The following POLR1D variants were observed in gnomAD, a reference collection of about 807,000 sequenced individuals.
POLR1D encodes the protein RNA polymerase I and III subunit D.
Under a neutral mutation model 10.8 loss-of-function variants are expected in POLR1D, and 8 were observed. The ratio of observed to expected loss-of-function variants is 0.74; its 90% CI spans 0.43 to 1.33. The LOEUF (loss-of-function observed/expected upper bound fraction) is 1.33. Ranked by LOEUF, POLR1D falls within the 40% of genes most tolerant of loss-of-function variation. The probability of loss-of-function intolerance (pLI) is 0.01; values close to 1 mark genes in which losing one functional copy is unlikely to be tolerated. For missense variants in POLR1D, 152 were observed against 161.7 expected, an observed-to-expected ratio of 0.94 and a Z score of 0.32; for synonymous variants, 54 against 57.2, an observed-to-expected ratio of 0.94 and a Z score of 0.25.
At chr13:27,634,675 C>CTTTTTT (rs369618281) in intron 1 of POLR1D, among the ~76,000 whole-genome samples, 1 of 125,004 alleles carries the variant, frequency 8.0e-6, no homozygotes, top group Non-Finnish European at 1.7e-5. Context: ...ATAGACTCTG[C>CTTTTTT]TTTTTTTTTT....
chr13:27,661,821 C>G (rs189641498), intron 2 of POLR1D, among the ~76,000 whole-genome samples: 30 of 152,172 alleles, frequency 2.0e-4, no homozygotes, highest in Non-Finnish European at 3.7e-4. Flanking sequence ...GATCACCCAC[C>G]TACTTCAACC....
intron 1 of POLR1D, among the ~76,000 whole-genome samples, chr13:27,644,719 A>T (rs539106635): frequency 2.0e-5 from 3 of 152,242 alleles, no homozygotes; most frequent in Non-Finnish European, 2.9e-5. Context: ...TTATGTCTGA[A>T]TAATTTTTTA....
Position 27,622,729 on chromosome 13 carries a change from G to A in POLR1D, c.27-146G>A, listed in dbSNP as rs181206821. ...TAAATATTTATTGATAGAGTTTGTGGAGGCAGGAAAATGAGAGGCGAATAA... is the reference window on the plus strand; with the variant it reads ...TAAATATTTATTGATAGAGTTTGTGAAGGCAGGAAAATGAGAGGCGAATAA... On this transcript the variant is annotated intron_variant, in intron 1 of 1. Coordinates refer to ENST00000302979, the MANE Select transcript of POLR1D (RefSeq NM_015972.4). 4 of 629,048 alleles carry A rather than the reference G, an allele frequency of 6.4e-6. No individual in the cohort carries two copies. In the East Asian group the frequency reaches 1.1e-4, roughly 17 times the overall value. The allele number at this position is 629,048 out of a possible 1,614,324, so 39.0% of individuals were successfully genotyped here.
chr13:27,652,911 CTTTTTTTTT>C (rs71083685), intron 2 of POLR1D, among the ~76,000 whole-genome samples: 2 of 89,332 alleles, frequency 2.2e-5, no homozygotes, highest in East Asian at 7.2e-4. Context: ...TTTACCATTT[CTTTTTTTTT>C]TTTTTTTTTT....
At chr13:27,635,736 A>G (rs1438804537) in intron 1 of POLR1D, among the ~76,000 whole-genome samples, 3 of 124,946 alleles carry the variant, frequency 2.4e-5, no homozygotes, top group Non-Finnish European at 5.3e-5. Context: ...ACATACACAC[A>G]TATATATATA....
chr13:27,637,998 T>C (rs1956141835), intron 1 of POLR1D, among the ~76,000 whole-genome samples: 1 of 152,152 alleles, frequency 6.6e-6, no homozygotes, highest in Admixed American at 6.6e-5. Context: ...TCTACGTATA[T>C]ATGTACTATT....
At chr13:27,650,270 A>G (rs1019861868) in intron 2 of POLR1D, 39 of 385,816 alleles carry the variant, frequency 1.0e-4, no homozygotes, top group East Asian at 5.5e-4. Flanking sequence ...CTACCCTCCC[A>G]GCATCAGTGT....
chr13:27,628,007 C>G (rs1956034727), downstream of POLR1D, among the ~76,000 whole-genome samples: 1 of 152,168 alleles, frequency 6.6e-6, no homozygotes. Context: ...GTTTATCCTA[C>G]CATTCCCTCA....
chr13:27,627,923 A>G (rs1956033709), downstream of POLR1D, among the ~76,000 whole-genome samples: 1 of 152,122 alleles, frequency 6.6e-6, no homozygotes, highest in African/African-American at 2.4e-5. Flanking sequence ...ACTTGGAGAC[A>G]GATTCTATAG....
chr13:27,622,347 T>C, intron 1 of POLR1D: 2 of 440,936 alleles, frequency 4.5e-6, no homozygotes, highest in South Asian at 2.8e-5. Flanking sequence ...CTTCTTTCTA[T>C]GTGCAGACTG....
At chr13:27,664,289 G>A (rs1956394266) in intron 2 of POLR1D, among the ~76,000 whole-genome samples, 1 of 152,166 alleles carries the variant, frequency 6.6e-6, no homozygotes, top group Non-Finnish European at 1.5e-5. Flanking sequence ...GTTCGTACTT[G>A]CAGAACTGTT....
chr13:27,634,228 A>G (rs1345280292), intron 1 of POLR1D, among the ~76,000 whole-genome samples: 1 of 152,184 alleles, frequency 6.6e-6, no homozygotes, highest in East Asian at 1.9e-4. Flanking sequence ...GGAAAACATA[A>G]AGGATTCTAG....
chr13:27,665,936 CG>C lies in POLR1D; in HGVS notation c.354del (p.Ser119ProfsTer29). 4.3e-6 allele frequency: 7 copies of C among 1,614,108 alleles called. No individual in the cohort carries two copies. The highest frequency in any genetic ancestry group is 5.9e-6 in the Non-Finnish European group (7 of 1,180,004). ...GAGCAGCCAGGACAAGTACGAAAAG[CG>C]GTCCAACCGGCGGTGAGGCTGGAAC... On this transcript the variant is annotated frameshift_variant, in exon 3 of 3. Coordinates refer to the POLR1D transcript ENST00000399697. LOFTEE classifies it high-confidence loss of function.
At chr13:27,623,814 A>G (rs1028046552), downstream of POLR1D, among the ~76,000 whole-genome samples, 13 of 152,208 alleles carry the variant, frequency 8.5e-5, 1 homozygote, top group Non-Finnish European at 2.9e-5. Context: ...CTGGTTTTAC[A>G]TGAGAGTTTT....
At chr13:27,629,838 C>T (rs1195985015) in intron 1 of POLR1D, among the ~76,000 whole-genome samples, 1 of 152,180 alleles carries the variant, frequency 6.6e-6, no homozygotes, top group East Asian at 1.9e-4. Flanking sequence ...GGTATCTGGA[C>T]TATTGGTAGG....
intron 1 of POLR1D, among the ~76,000 whole-genome samples, chr13:27,635,428 C>G (rs1028908090): frequency 2.0e-5 from 3 of 151,950 alleles, no homozygotes; most frequent in Non-Finnish European, 4.4e-5. Context: ...GTCAGCTGTT[C>G]CCCTTACTGG....
Position 27,652,673 on chromosome 13 carries a change from C to T in POLR1D, c.101+4220C>T, listed in dbSNP as rs200629292. 3.3e-5 allele frequency among the ~76,000 whole-genome samples: 5 copies of T among 152,026 alleles called. No homozygotes were observed. The East Asian group carries it at 9.7e-4, about 30-fold the overall frequency. On this transcript the variant is annotated intron_variant, in intron 2 of 2. Coordinates refer to the POLR1D transcript ENST00000399697. ...ATCACTTGAGTCAGGAGTTTGAGACCAGCCTCGCCAACATGGTGAAATCCC... is the reference window on the plus strand; with the variant it reads ...ATCACTTGAGTCAGGAGTTTGAGACTAGCCTCGCCAACATGGTGAAATCCC...
At chr13:27,633,506 A>T (rs1029629955) in intron 1 of POLR1D, among the ~76,000 whole-genome samples, 1 of 152,222 alleles carries the variant, frequency 6.6e-6, no homozygotes, top group East Asian at 1.9e-4. Context: ...CTTCACTTCC[A>T]TGGAAAATTG....
chr13:27,624,873 G>C (rs1955993090), downstream of POLR1D, among the ~76,000 whole-genome samples: 1 of 152,122 alleles, frequency 6.6e-6, no homozygotes, highest in South Asian at 2.1e-4. Flanking sequence ...GGGTGACAGA[G>C]GGAGACCTTG....
Sources: gnomAD v4.1 joint callset for allele counts (sites outside exome capture counted in the v4.1 genomes callset) on GRCh38, gnomAD v4.1.1 for gene constraint, MANE v1.5 for transcripts, NCBI Gene and HGNC (gene_info 2026-07-23, HGNC 2026-07-21) for gene names.